The following NACC2 variants were observed in gnomAD, a reference collection of about 807,000 sequenced individuals.
The protein encoded by NACC2 is nucleus accumbens-associated protein 2.
NACC2 carries 8 observed loss-of-function variants against 25.1 expected under a neutral mutation model. The observed-to-expected ratio is 0.32, with a 90% confidence interval of 0.19 to 0.57. The LOEUF is 0.57. Ranked by LOEUF, NACC2 falls within the 20% of genes least tolerant of loss-of-function variation. NACC2 has a pLI of 0.89. For synonymous variants in NACC2, 435 were observed against 294.7 expected, an observed-to-expected ratio of 1.48 and a Z score of -4.88; for missense variants, 644 against 650.2, an observed-to-expected ratio of 0.99 and a Z score of 0.10.
chr9:136,075,076 C>T (rs779810814), intron 1 of NACC2, among the ~76,000 whole-genome samples: 6 of 152,224 alleles, frequency 3.9e-5, no homozygotes, highest in African/African-American at 7.2e-5. Context: ...CTTGGTTCTG[C>T]GTGAAATGAG....
intron 1 of NACC2, among the ~76,000 whole-genome samples, chr9:136,077,258 A>C (rs1242380877): frequency 6.6e-6 from 1 of 152,114 alleles, no homozygotes; most frequent in Non-Finnish European, 1.5e-5. Flanking sequence ...TTGAACCCGG[A>C]GGTGGAGGTT....
chr9:136,013,165 G>GCCCCCCC lies in NACC2; in HGVS notation c.1255+33_1255+34insGGGGGGG. On this transcript the variant is annotated intron_variant, in intron 5 of 5. Transcript: ENST00000277554. This position sits in a 1 kb window ranked among gnomAD's most constrained non-coding sequence, Gnocchi z 6.6. ...AGGCTGGGATCTGAACCCAGCCCCGGCCCCACCCACCCGAGAGACCCCCAG... is the reference window on the plus strand; with the variant it reads ...AGGCTGGGATCTGAACCCAGCCCCGGCCCCCCCCCCCACCCACCCGAGAGACCCCCAG... 1.8e-5 allele frequency: 13 copies of GCCCCCCC among 706,884 alleles called. No homozygotes were observed. Among genetic ancestry groups the GCCCCCCC allele is most frequent in the Middle Eastern group, 3.1e-4 (1 of 3,266 alleles). The allele number at this position is 706,884 out of a possible 1,614,324, so 43.8% of individuals were successfully genotyped here.
chr9:136,046,931 T>C (rs1428707955), intron 2 of NACC2, among the ~76,000 whole-genome samples: 1 of 152,198 alleles, frequency 6.6e-6, no homozygotes. Context: ...CAGGACAAAC[T>C]GTCCATGGTT....
chr9:136,075,925 T>C (rs559855968), intron 1 of NACC2, among the ~76,000 whole-genome samples: 1 of 152,322 alleles, frequency 6.6e-6, no homozygotes, highest in East Asian at 1.9e-4. Context: ...CAGCCCTCCA[T>C]GTGCTCAGTG....
chr9:136,054,202 G>A (rs1198032538), intron 1 of NACC2, among the ~76,000 whole-genome samples: 10 of 152,174 alleles, frequency 6.6e-5, no homozygotes, highest in African/African-American at 1.9e-4. Flanking sequence ...GCGTCTTAAC[G>A]CCCAGCCCAG....
At chr9:136,039,426 C>CA (rs1450700140) in intron 2 of NACC2, among the ~76,000 whole-genome samples, 1 of 152,136 alleles carries the variant, frequency 6.6e-6, no homozygotes, top group East Asian at 1.9e-4. Flanking sequence ...TCAAACACTT[C>CA]AACAACATCA....
intron 2 of NACC2, among the ~76,000 whole-genome samples, chr9:136,037,511 CATT>C (rs1840571721): frequency 8.0e-6 from 1 of 125,170 alleles, no homozygotes; most frequent in Non-Finnish European, 1.8e-5. Flanking sequence ...CTTAAATTTT[CATT>C]TTTTTTTTTT....
chr9:136,051,886 A>G (rs1840847452), intron 1 of NACC2, among the ~76,000 whole-genome samples: 1 of 113,418 alleles, frequency 8.8e-6, no homozygotes. Flanking sequence ...AAGGAGGAGG[A>G]GGAGGAGGAG....
chr9:136,067,215 A>G (rs1841095372), intron 1 of NACC2, among the ~76,000 whole-genome samples: 1 of 150,526 alleles, frequency 6.6e-6, no homozygotes, highest in Admixed American at 6.6e-5. Context: ...GATCGCACCA[A>G]GATCGCACAC....
chr9:136,070,728 TAAG>T (rs1177648514), intron 1 of NACC2, among the ~76,000 whole-genome samples: 1 of 134,410 alleles, frequency 7.4e-6, no homozygotes, highest in African/African-American at 2.8e-5. Context: ...ATGATAAAAA[TAAG>T]AACATAAATC....
At chr9:136,049,345 C>T (rs1377034076) in intron 2 of NACC2, among the ~76,000 whole-genome samples, 8 of 152,208 alleles carry the variant, frequency 5.3e-5, no homozygotes, top group African/African-American at 1.4e-4. Flanking sequence ...AGACGGGGAA[C>T]GTGAACCCTG....
chr9:136,021,754 C>A (rs553246870), intron 2 of NACC2, among the ~76,000 whole-genome samples: 2 of 152,192 alleles, frequency 1.3e-5, no homozygotes, highest in Admixed American at 6.5e-5. Context: ...ATCCACATGA[C>A]GTGTTACCGC....
At chr9:136,087,830 G>T (rs78334615) in intron 1 of NACC2, among the ~76,000 whole-genome samples, 2,555 of 152,260 alleles carry the variant, frequency 0.017, 27 homozygotes, top group Non-Finnish European at 0.026. Context: ...GGCCCCAAGC[G>T]CCCTGTCCTC....
chr9:136,061,206 C>G (rs758627605), intron 1 of NACC2, among the ~76,000 whole-genome samples: 1 of 152,210 alleles, frequency 6.6e-6, no homozygotes, highest in African/African-American at 2.4e-5. Context: ...ACCGGGGTCT[C>G]CCACTGCCTG....
intron 2 of NACC2, among the ~76,000 whole-genome samples, chr9:136,047,995 A>T (rs956523516): frequency 8.9e-4 from 136 of 152,326 alleles, no homozygotes; most frequent in Middle Eastern, 3.4e-3. Context: ...CCCTGGGAAG[A>T]TGTTTGGATA....
rs1840791726 is a variant in NACC2, at chr9:136,049,916, C to T, written c.606G>A (p.Ala202=). The T allele has an allele frequency of 2.6e-5, 15 of 579,990 alleles. No individual in the cohort carries two copies. The highest frequency in any genetic ancestry group is 2.4e-4 in the South Asian group (12 of 49,316). 35.9% of individuals were successfully genotyped at this position (579,990 alleles called of 1,614,324 possible). The change falls in exon 2 of 6, where the codon GCG becomes GCA. Residue 202 remains alanine, a synonymous_variant. Coordinates refer to ENST00000277554, the MANE Select transcript of NACC2 (RefSeq NM_144653.5). ...CCGCCACCGCAGCCCCCGCGGCCAC[C>T]GCCACGCCGTCCCGGGGCCCCGTCT... The part of the protein sequence containing the change: ...PLETGPRDGV[A]VAAGAAVAAG...
chr9:136,067,066 G>A (rs1185149402), intron 1 of NACC2, among the ~76,000 whole-genome samples: 1 of 151,950 alleles, frequency 6.6e-6, no homozygotes, highest in Non-Finnish European at 1.5e-5. Flanking sequence ...GCCTCGGCAA[G>A]CAACATGTCG....
At chr9:136,012,103 T>C (rs2131130615) in intron 5 of NACC2, 79 bp from the exon 6 acceptor site, 1 of 1,431,156 alleles carries the variant, frequency 7.0e-7, no homozygotes, top group East Asian at 2.7e-5. Flanking sequence ...AGAACCATGA[T>C]GCCCTGGATG....
chr9:136,014,124 C>T (rs1840159995), intron 3 of NACC2, among the ~76,000 whole-genome samples, 155 bp from the exon 4 acceptor site: 1 of 152,082 alleles, frequency 6.6e-6, no homozygotes, highest in African/African-American at 2.4e-5. Context: ...TTTGAGGTCC[C>T]ACCTGCTGGT....
Sources: allele counts gnomAD v4.1 joint callset (sites outside exome capture counted in the v4.1 genomes callset), GRCh38; gene constraint gnomAD v4.1.1; non-coding constraint Gnocchi (gnomAD v3.1); transcripts MANE v1.5; gene names NCBI Gene and HGNC (gene_info 2026-07-23, HGNC 2026-07-21).